CELF2: variants seen among roughly 807,000 people sequenced by gnomAD.
CELF2 encodes CUG triplet repeat RNA-binding protein 2.
In CELF2, 8 loss-of-function variants were observed where a neutral mutation model predicts 62.6. The observed-to-expected ratio is 0.13, with a 90% CI of 0.07 to 0.23. The LOEUF is 0.23. Among genes scored for constraint, CELF2 ranks in the 10% least tolerant of loss-of-function variants. The pLI is 1.00. For missense variants in CELF2, 333 were observed against 671.0 expected, an observed-to-expected ratio of 0.50 and a Z score of 5.56; for synonymous variants, 258 against 250.0, an observed-to-expected ratio of 1.03 and a Z score of -0.30.
At chr10:10,840,739 A>T (rs948083013) in intron 1 of CELF2, among the ~76,000 whole-genome samples, 3 of 152,120 alleles carry the variant, frequency 2.0e-5, no homozygotes, top group African/African-American at 7.2e-5. Flanking sequence ...TTTGTTACAT[A>T]GGTATACATG....
intron 1 of CELF2, among the ~76,000 whole-genome samples, chr10:11,076,340 A>G (rs2071918673): frequency 1.3e-5 from 2 of 152,212 alleles, no homozygotes; most frequent in Admixed American, 6.6e-5. Flanking sequence ...AAAGGGACAG[A>G]GTAAAAAGAA....
At chr10:10,593,619 A>G in the CELF2 span, among the ~76,000 whole-genome samples, 1 of 152,234 alleles carries the variant, frequency 6.6e-6, no homozygotes, top group Non-Finnish European at 1.5e-5. Flanking sequence ...CTAGTAATCT[A>G]CCACAAAAGG....
At position 10,806,532 on chromosome 10, in the gene CELF2, A is replaced by G. The variant is rs150132838; in HGVS notation, c.53+7715A>G. 7.0e-4 allele frequency among the ~76,000 whole-genome samples: 106 copies of G among 152,278 alleles called. 1 individual carries two copies. The highest frequency in any genetic ancestry group is 2.4e-3 in the African/African-American group (100 of 41,554). Reference sequence around the variant, plus strand: ...AGTGGACTTTCTGAGTGGCCCTGGTAGCAGCAGCTCTGGGTGTAATGGTTG... The same window carrying G: ...AGTGGACTTTCTGAGTGGCCCTGGTGGCAGCAGCTCTGGGTGTAATGGTTG... On this transcript the variant is annotated intron_variant, in intron 1 of 13. Coordinates refer to the CELF2 transcript ENST00000636488.
At chr10:10,667,677 C>A in the CELF2 span, among the ~76,000 whole-genome samples, 1 of 152,264 alleles carries the variant, frequency 6.6e-6, no homozygotes, top group South Asian at 2.1e-4. Context: ...TGAGATTTTG[C>A]AAAGGTGCCT....
intron 1 of CELF2, among the ~76,000 whole-genome samples, chr10:11,119,534 A>G (rs903310866): frequency 6.6e-6 from 1 of 152,230 alleles, no homozygotes; most frequent in Non-Finnish European, 1.5e-5. Flanking sequence ...TCAATTCCAG[A>G]ATAAATGTGT....
At chr10:10,748,519 T>C in the CELF2 span, among the ~76,000 whole-genome samples, 118,140 of 151,814 alleles carry the variant, frequency 0.78, 46,344 homozygotes, top group African/African-American at 0.86. Context: ...GAGGCTAAGG[T>C]GGGCGGATCA....
At position 11,220,855 on chromosome 10, in the gene CELF2, A is replaced by G. The variant is rs749385021; in HGVS notation, c.354+3348A>G. Among the ~76,000 whole-genome samples the G allele has an allele frequency of 3.9e-5, 6 of 152,148 alleles. No homozygotes were observed. The highest frequency in any genetic ancestry group is 8.8e-5 in the Non-Finnish European group (6 of 68,020). On this transcript the variant is annotated intron_variant, in intron 3 of 12. Coordinates refer to ENST00000633077, the MANE Select transcript of CELF2 (RefSeq NM_001326342.2). This position sits in a 1 kb window ranked among gnomAD's most constrained non-coding sequence, Gnocchi z 4.4. ...CTGACATTTCATGAGATTAATCCCA[A>G]ATGATCATGGAGTGCCTACAGTGTG...
intron 1 of CELF2, among the ~76,000 whole-genome samples, chr10:10,852,463 G>T (rs553030221): frequency 6.6e-6 from 1 of 152,294 alleles, no homozygotes; most frequent in South Asian, 2.1e-4. Flanking sequence ...ATGGGAGAAA[G>T]GTGTGTGGTT....
At chr10:10,684,617 T>A in the CELF2 span, among the ~76,000 whole-genome samples, 1 of 151,998 alleles carries the variant, frequency 6.6e-6, no homozygotes, top group Non-Finnish European at 1.5e-5. Flanking sequence ...TGAGGCATGC[T>A]CCTGTGGTCC....
rs1173385880 is a variant in CELF2 at position 11,318,945 on chromosome 10, G to T, written c.1097-2244G>T. On this transcript the variant is annotated intron_variant, in intron 10 of 12. Transcript: ENST00000633077. The surrounding 1 kb of genome is among the most constrained non-coding windows in gnomAD (Gnocchi z 5.4). ...CCGCAGCAGACAAGGCATCATGGTG[G>T]TGCGATGCTGCCCACCCCTCCATGG... 2.1e-6 allele frequency: 1 copy of T among 471,152 alleles called. No homozygotes were observed. The allele number at this position is 471,152 out of a possible 1,614,324, so 29.2% of individuals were successfully genotyped here.
intron 1 of CELF2, among the ~76,000 whole-genome samples, chr10:10,857,652 TATA>T (rs2059809346): frequency 8.7e-5 from 7 of 80,206 alleles, no homozygotes; most frequent in African/African-American, 1.8e-4. Context: ...ATATATAGTA[TATA>T]TATATATATA....
At chr10:10,773,552 C>A in the CELF2 span, among the ~76,000 whole-genome samples, 1 of 152,144 alleles carries the variant, frequency 6.6e-6, no homozygotes, top group Admixed American at 6.5e-5. Flanking sequence ...ATAAGACTGA[C>A]TATTTGACAA....
intron 2 of CELF2, among the ~76,000 whole-genome samples, chr10:10,981,492 T>C (rs2052096132): frequency 6.6e-6 from 1 of 152,234 alleles, no homozygotes; most frequent in Non-Finnish European, 1.5e-5. Flanking sequence ...AGATTGTCTA[T>C]ATTTTTTAAG....
intron 1 of CELF2, among the ~76,000 whole-genome samples, chr10:11,150,895 G>T (rs2063211176): frequency 6.6e-6 from 1 of 152,170 alleles, no homozygotes; most frequent in Non-Finnish European, 1.5e-5. Context: ...GCTTTGTGTG[G>T]TTATTAAGAA....
intron 1 of CELF2, among the ~76,000 whole-genome samples, chr10:10,805,445 G>C (rs1426363226): frequency 6.6e-6 from 1 of 152,024 alleles, no homozygotes; most frequent in Non-Finnish European, 1.5e-5. Context: ...ACTCAGTTAC[G>C]ACTCAGTACT....
At chr10:10,543,284 A>C in the CELF2 span, among the ~76,000 whole-genome samples, 1 of 152,146 alleles carries the variant, frequency 6.6e-6, no homozygotes, top group Non-Finnish European at 1.5e-5. Flanking sequence ...GAAGTGGAGA[A>C]TGTTCTCTTT....
the CELF2 span, among the ~76,000 whole-genome samples, chr10:10,503,515 A>G: frequency 2.6e-5 from 4 of 151,906 alleles, no homozygotes; most frequent in Admixed American, 6.6e-5. Flanking sequence ...TGGAAATCAG[A>G]TATTAATATA....
chr10:10,750,149 G>C, the CELF2 span, among the ~76,000 whole-genome samples: 1 of 152,324 alleles, frequency 6.6e-6, no homozygotes, highest in East Asian at 1.9e-4. Context: ...GAGGGTGATG[G>C]CACGTGCCTA....
intron 1 of CELF2, among the ~76,000 whole-genome samples, chr10:11,131,239 T>C (rs1233526085): frequency 6.6e-6 from 1 of 152,040 alleles, no homozygotes; most frequent in Non-Finnish European, 1.5e-5. Flanking sequence ...GCCTTAAGAG[T>C]GTCATACAGG....
Sources: allele counts gnomAD v4.1 joint callset (sites outside exome capture counted in the v4.1 genomes callset), GRCh38; gene constraint gnomAD v4.1.1; non-coding constraint Gnocchi (gnomAD v3.1); transcripts MANE v1.5; gene names NCBI Gene and HGNC (gene_info 2026-07-23, HGNC 2026-07-21).